The following GRIK4 variants were observed in gnomAD, a reference collection of about 807,000 sequenced individuals.
The protein encoded by GRIK4 is glutamate receptor ionotropic, kainate 4.
In GRIK4, 40 loss-of-function variants were observed where a neutral mutation model predicts 104.9. The ratio of observed to expected loss-of-function variants is 0.38; its 90% CI spans 0.30 to 0.50. GRIK4 has a LOEUF of 0.50. GRIK4 is among the 20% of genes least tolerant of loss of function. The pLI is 0.93. For synonymous variants in GRIK4, 485 were observed against 524.9 expected (o/e 0.92, Z 1.04); for missense variants, 1,047 against 1,308.1 (o/e 0.80, Z 3.08).
chr11:120,920,595 C>T (rs969465146), intron 13 of GRIK4, among the ~76,000 whole-genome samples: 1 of 151,834 alleles, frequency 6.6e-6, no homozygotes, highest in African/African-American at 2.4e-5. Context: ...ATGCGCTGTT[C>T]CAACCTACTC....
chr11:120,913,725 G>A (rs1000909517), intron 13 of GRIK4, among the ~76,000 whole-genome samples: 11 of 151,790 alleles, frequency 7.2e-5, no homozygotes, highest in Admixed American at 2.6e-4. Flanking sequence ...AAGCTGAAAC[G>A]CCTCATTCCA....
chr11:120,521,580 T>A (rs1002174498), intron 1 of GRIK4, among the ~76,000 whole-genome samples: 4 of 152,186 alleles, frequency 2.6e-5, no homozygotes, highest in African/African-American at 9.7e-5. Flanking sequence ...TTCCCAGGAC[T>A]CCTGCCCCTT....
At chr11:120,520,545 C>T (rs993470878) in intron 1 of GRIK4, among the ~76,000 whole-genome samples, 8 of 152,162 alleles carry the variant, frequency 5.3e-5, no homozygotes, top group Admixed American at 1.3e-4. Context: ...CCTGAGCTGC[C>T]GAGTCTGAGC....
chr11:120,883,271 T>TGAG, intron 11 of GRIK4, among the ~76,000 whole-genome samples: 1 of 152,204 alleles, frequency 6.6e-6, no homozygotes, highest in East Asian at 1.9e-4. Context: ...CCTGGGGACC[T>TGAG]GAGGATTTTG....
intron 1 of GRIK4, among the ~76,000 whole-genome samples, chr11:120,521,710 G>C (rs1362698158): frequency 1.3e-5 from 2 of 152,190 alleles, no homozygotes; most frequent in Non-Finnish European, 2.9e-5. Flanking sequence ...AGCAGCACTT[G>C]TCAGGTAATG....
intron 3 of GRIK4, among the ~76,000 whole-genome samples, chr11:120,790,621 A>G (rs1199217543): frequency 6.6e-6 from 1 of 152,238 alleles, no homozygotes; most frequent in African/African-American, 2.4e-5. Flanking sequence ...GAGTCTGCAA[A>G]GACATGTTGG....
intron 9 of GRIK4, among the ~76,000 whole-genome samples, chr11:120,866,234 G>C (rs912916555): frequency 3.9e-5 from 6 of 152,176 alleles, no homozygotes; most frequent in African/African-American, 7.2e-5. Flanking sequence ...CAGGAGCAGG[G>C]TTCACCTCCA....
intron 1 of GRIK4, among the ~76,000 whole-genome samples, chr11:120,604,947 C>A (rs907253022): frequency 1.3e-5 from 2 of 152,208 alleles, no homozygotes; most frequent in African/African-American, 4.8e-5. Flanking sequence ...ACTACAGCCT[C>A]TACCTTTTGG....
chr11:120,986,346 C>T lies in GRIK4; in HGVS notation c.*86C>T, dbSNP rs1185253594. 1.4e-6 allele frequency: 2 copies of T among 1,387,588 alleles called. No individual in the cohort carries two copies. Among genetic ancestry groups the T allele is most frequent in the East Asian group, 6.0e-5 (2 of 33,262 alleles). The allele number at this position is 1,387,588 out of a possible 1,614,324, so 86.0% of individuals were successfully genotyped here. A position where few individuals can be genotyped will look rare whatever the true frequency, so the allele number is the denominator to read the frequency against. ...CGCTGCTGTCAGCCGCCAGCCGGAA[C>T]TTGTACAGCGTCGACACCTCTCCAG... On this transcript the variant is annotated 3_prime_UTR_variant, in exon 21 of 21. Coordinates refer to ENST00000527524, the MANE Select transcript of GRIK4 (RefSeq NM_014619.5).
intron 8 of GRIK4, among the ~76,000 whole-genome samples, chr11:120,851,160 T>C (rs1953964343): frequency 6.6e-6 from 1 of 152,184 alleles, no homozygotes; most frequent in African/African-American, 2.4e-5. Flanking sequence ...CTTAAAACCC[T>C]TCAGTGGCTG....
chr11:120,674,220 A>G (rs895188854), intron 3 of GRIK4, among the ~76,000 whole-genome samples: 3 of 152,092 alleles, frequency 2.0e-5, no homozygotes, highest in Non-Finnish European at 4.4e-5. Flanking sequence ...TTAGGATGTG[A>G]TCCCCCAAAT....
intron 1 of GRIK4, among the ~76,000 whole-genome samples, chr11:120,623,013 A>G (rs1165315204): frequency 6.6e-6 from 1 of 152,146 alleles, no homozygotes; most frequent in African/African-American, 2.4e-5. Context: ...AACCCACTAC[A>G]TTTATGGACT....
chr11:120,906,778 C>T (rs536303235), intron 13 of GRIK4, among the ~76,000 whole-genome samples: 16 of 152,278 alleles, frequency 1.1e-4, no homozygotes, highest in East Asian at 3.9e-4. Flanking sequence ...GTTTGCCTGA[C>T]GGAACATGGA....
chr11:120,801,626 A>G (rs1668212584), intron 3 of GRIK4, among the ~76,000 whole-genome samples: 1 of 152,128 alleles, frequency 6.6e-6, no homozygotes, highest in African/African-American at 2.4e-5. Context: ...GGTAAACCAC[A>G]TTTTTTTATC....
chr11:120,827,966 G>T (rs1356289923), intron 6 of GRIK4, among the ~76,000 whole-genome samples: 6 of 152,134 alleles, frequency 3.9e-5, no homozygotes, highest in Admixed American at 3.9e-4. Context: ...TGACTCCTGG[G>T]TTTAGTCCTT....
At chr11:120,753,312 T>TGC (rs967816417) in intron 3 of GRIK4, among the ~76,000 whole-genome samples, 4 of 103,480 alleles carry the variant, frequency 3.9e-5, no homozygotes, top group Non-Finnish European at 8.7e-5. Flanking sequence ...TGTGTGTGTG[T>TGC]GTGTGTGTGT....
chr11:120,962,354 C>T, intron 17 of GRIK4, 102 bp from the exon 18 acceptor site: 1 of 709,540 alleles, frequency 1.4e-6, no homozygotes, highest in Non-Finnish European at 2.4e-6. Context: ...GGTGGAGAAG[C>T]AGAAGGGCCG....
At chr11:120,557,535 A>T (rs1948199376) in intron 1 of GRIK4, among the ~76,000 whole-genome samples, 1 of 152,142 alleles carries the variant, frequency 6.6e-6, no homozygotes, top group African/African-American at 2.4e-5. Flanking sequence ...GCGCTTCCCT[A>T]AATCAAGACG....
At chr11:120,957,591 ATGTGTGTGTG>A (rs72064502) in intron 16 of GRIK4, among the ~76,000 whole-genome samples, 9 of 136,436 alleles carry the variant, frequency 6.6e-5, no homozygotes, top group Admixed American at 1.4e-4. Context: ...GACAAAACAA[ATGTGTGTGTG>A]TGTGTGTGTG....
Sources: allele counts gnomAD v4.1 joint callset (sites outside exome capture counted in the v4.1 genomes callset), GRCh38; gene constraint gnomAD v4.1.1; transcripts MANE v1.5; gene names NCBI Gene and HGNC (gene_info 2026-07-23, HGNC 2026-07-21).